The following ZNF544 variants were observed in gnomAD, a reference collection of about 807,000 sequenced individuals.
ZNF544 encodes the protein zinc finger protein 544, also known as zinc finger protein AF020591.
A neutral mutation model predicts 13.5 loss-of-function variants in ZNF544; 10 were observed. The observed-to-expected ratio is 0.74, with a 90% CI of 0.46 to 1.25. The LOEUF (loss-of-function observed/expected upper bound fraction) is 1.25, where lower values mean the gene tolerates loss of function less well. Ranked by LOEUF, ZNF544 falls within the 50% of genes most tolerant of loss-of-function variation. The pLI is 0.00. For synonymous variants in ZNF544, 323 were observed against 300.5 expected (o/e 1.07, Z -0.77); for missense variants, 896 against 845.6 (o/e 1.06, Z -0.74).
chr19:58,263,210 C>T lies in ZNF544; in HGVS notation c.*456C>T. 1 of 993,204 alleles carries T rather than the reference C, an allele frequency of 1.0e-6. No homozygotes were observed. The allele number at this position is 993,204 out of a possible 1,614,324, so 61.5% of individuals were successfully genotyped here. On this transcript the variant is annotated 3_prime_UTR_variant, in exon 7 of 7. Transcript: ENST00000687789. ...GTGCAGTTGCCAACACTTGTAATCC[C>T]AGCAGTTTGCGAGGCCGAGGCAGGT...
chr19:58,254,529 T>C (rs1295777240), intron 6 of ZNF544, among the ~76,000 whole-genome samples: 5 of 152,122 alleles, frequency 3.3e-5, no homozygotes, highest in East Asian at 1.9e-4. Context: ...TTTGGAGAGG[T>C]TGAGGTCTGG....
chr19:58,265,793 G>T (rs533674284), downstream of ZNF544, among the ~76,000 whole-genome samples: 1 of 151,122 alleles, frequency 6.6e-6, no homozygotes, highest in South Asian at 2.1e-4. Context: ...TCACCATGTT[G>T]CCCAGGCTGG....
chr19:58,275,895 T>A (rs1489434444), intron 5 of ZNF544, among the ~76,000 whole-genome samples: 3 of 150,040 alleles, frequency 2.0e-5, no homozygotes, highest in Admixed American at 2.0e-4. Flanking sequence ...CCAAAATGAA[T>A]ACACAGGGCC....
At chr19:58,253,955 A>G (rs997442326) in intron 6 of ZNF544, among the ~76,000 whole-genome samples, 1 of 152,176 alleles carries the variant, frequency 6.6e-6, no homozygotes, top group South Asian at 2.1e-4. Flanking sequence ...AGATTTACTT[A>G]AGTCGGCTGG....
At chr19:58,246,000 AGGCTGGT>A in intron 4 of ZNF544, 2 of 383,804 alleles carry the variant, frequency 5.2e-6, no homozygotes, top group Non-Finnish European at 1.0e-5. Flanking sequence ...ATAGTTCTGG[AGGCTGGT>A]AAGTCCAAGA....
At chr19:58,235,378 TCTGC>T (rs2042165065) in intron 3 of ZNF544, among the ~76,000 whole-genome samples, 1 of 152,216 alleles carries the variant, frequency 6.6e-6, no homozygotes, top group Non-Finnish European at 1.5e-5. Context: ...CACTATCATA[TCTGC>T]GGTCTGTCAC....
intron 3 of ZNF544, among the ~76,000 whole-genome samples, chr19:58,237,791 G>A (rs1353203399): frequency 1.3e-5 from 2 of 152,162 alleles, no homozygotes; most frequent in Admixed American, 6.5e-5. Context: ...GCCAGTATTC[G>A]GCATGGAGGC....
intron 5 of ZNF544, among the ~76,000 whole-genome samples, chr19:58,270,432 G>A (rs1272750123): frequency 6.6e-6 from 1 of 151,890 alleles, no homozygotes; most frequent in African/African-American, 2.4e-5. Flanking sequence ...CTCCTGAGTA[G>A]CTGGGATTAC....
chr19:58,249,682 A>G (rs2045975442), intron 6 of ZNF544, among the ~76,000 whole-genome samples: 1 of 152,152 alleles, frequency 6.6e-6, no homozygotes, highest in Non-Finnish European at 1.5e-5. Flanking sequence ...CGGCATAAAA[A>G]CAGCATTCTT....
chr19:58,238,016 T>G (rs1039210255), intron 3 of ZNF544, among the ~76,000 whole-genome samples: 8 of 152,238 alleles, frequency 5.3e-5, no homozygotes, highest in African/African-American at 1.9e-4. Flanking sequence ...CACTGCAACC[T>G]CTGCCTCCTG....
rs1282474790 is a variant in ZNF544, at chr19:58,246,443, C to T, written c.160+16C>T. 10 of 1,613,502 alleles carry T rather than the reference C, an allele frequency of 6.2e-6. No homozygotes were observed. Among genetic ancestry groups the T allele is most frequent in the Non-Finnish European group, 8.5e-6 (10 of 1,179,814 alleles). On this transcript the variant is annotated intron_variant, in intron 5 of 6. Transcript: ENST00000687789. ...GTCTCCCTGGGTAAGTGGCTGTGCTCATGGAAGGAGGTTCTACCCCTAGGA... is the reference window on the plus strand; with the variant it reads ...GTCTCCCTGGGTAAGTGGCTGTGCTTATGGAAGGAGGTTCTACCCCTAGGA...
intron 3 of ZNF544, among the ~76,000 whole-genome samples, chr19:58,238,547 T>G (rs372125793): frequency 6.6e-6 from 1 of 152,136 alleles, no homozygotes; most frequent in South Asian, 2.1e-4. Flanking sequence ...CAGGAAGGAC[T>G]TCCCCTCTCA....
In ZNF544 at chr19:58,277,164, A is replaced by G. The variant is rs931128694; in HGVS notation, c.352-19A>G. On this transcript the variant is annotated intron_variant, in intron 6 of 6. Coordinates refer to the ZNF544 transcript ENST00000595981. The stretch of plus-strand genomic sequence containing the variant: ...TCTCATAATTTTGTGTAACTTGCCT[A>G]ACACCTGCTCCTTCTCAGGAACGAG... 3 of 1,231,518 alleles carry G rather than the reference A, an allele frequency of 2.4e-6. No individual in the cohort carries two copies. The African/African-American group carries it at 4.7e-5, about 19-fold the overall frequency. 76.3% of individuals were successfully genotyped at this position (1,231,518 alleles called of 1,614,324 possible). A position where few individuals can be genotyped will look rare whatever the true frequency, so the allele number is the denominator to read the frequency against.
chr19:58,260,936 C>G lies in ZNF544; in HGVS notation c.330C>G (p.Tyr110Ter). 6 of 1,614,124 alleles carry G rather than the reference C, an allele frequency of 3.7e-6. No individual in the cohort carries two copies. The highest frequency in any genetic ancestry group is 4.2e-6 in the Non-Finnish European group (5 of 1,180,026). Residue 110 changes from tyrosine (Y) to a stop codon, truncating the protein, a stop_gained, in exon 7 of 7, where the codon TAC (tyrosine) becomes TAG (stop). Coordinates refer to ENST00000687789, the MANE Select transcript of ZNF544 (RefSeq NM_014480.4). LOFTEE classifies it low-confidence loss of function (END_TRUNC). ...AACTATCCCACCACGTGGAAGTGTA[C>G]AGGAGTGGACCGGAGGAGCCACCCT... ...REELSHHVEV[Y>*]RSGPEEPPSL...
At chr19:58,270,599 C>G (rs2050515951) in intron 5 of ZNF544, among the ~76,000 whole-genome samples, 1 of 152,146 alleles carries the variant, frequency 6.6e-6, no homozygotes, top group East Asian at 1.9e-4. Flanking sequence ...TGCACCCGGC[C>G]TGTATTGGCT....
intron 5 of ZNF544, among the ~76,000 whole-genome samples, chr19:58,273,577 C>T (rs1319229665): frequency 6.6e-6 from 1 of 150,760 alleles, no homozygotes; most frequent in African/African-American, 2.4e-5. Context: ...GTAATCCCAG[C>T]TATTTGGGAG....
intron 5 of ZNF544, among the ~76,000 whole-genome samples, chr19:58,272,430 G>A (rs769119971): frequency 9.2e-5 from 14 of 151,998 alleles, no homozygotes; most frequent in African/African-American, 2.7e-4. Flanking sequence ...GGTGGCACGC[G>A]CCTGTTGTTC....
At chr19:58,275,962 A>G (rs1226731748) in intron 5 of ZNF544, among the ~76,000 whole-genome samples, 2 of 151,792 alleles carry the variant, frequency 1.3e-5, no homozygotes, top group African/African-American at 4.8e-5. Context: ...GGCAGATAAG[A>G]TTGCTTTGAG....
chr19:58,262,806 C>T lies in ZNF544; in HGVS notation c.*52C>T, dbSNP rs774043663. On this transcript the variant is annotated 3_prime_UTR_variant, in exon 7 of 7. Transcript: ENST00000687789. ...CATCCAGAGGTCTCCCCTCATCATG[C>T]ACCAGAGGACGCATGTCGGTGGGAA... 2 of 1,539,238 alleles carry T rather than the reference C, an allele frequency of 1.3e-6. No homozygotes were observed. The highest frequency in any genetic ancestry group is 2.0e-5 in the Admixed American group (1 of 49,350).
Sources: gnomAD v4.1 joint callset for allele counts (sites outside exome capture counted in the v4.1 genomes callset) on GRCh38, gnomAD v4.1.1 for gene constraint, MANE v1.5 for transcripts, NCBI Gene and HGNC (gene_info 2026-07-23, HGNC 2026-07-21) for gene names.